Variants in SYNE2 observed in about 807,000 individuals in gnomAD.
SYNE2 encodes nesprin-2.
A neutral mutation model predicts 856.3 loss-of-function variants in SYNE2; 431 were observed. That is an observed-to-expected ratio of 0.50 (90% CI 0.47 to 0.55). SYNE2 has a LOEUF of 0.55. Among genes scored for constraint, SYNE2 ranks in the 20% least tolerant of loss-of-function variants. The pLI, the probability that SYNE2 is intolerant of heterozygous loss-of-function variation, is 0.00. For missense variants in SYNE2, 8,129 were observed against 8,023.2 expected (o/e 1.01, Z -0.50); for synonymous variants, 2,923 against 2,872.3 (o/e 1.02, Z -0.56).
chr14:64,071,875 G>A (rs113902373), intron 52 of SYNE2, among the ~76,000 whole-genome samples: 39 of 152,212 alleles, frequency 2.6e-4, no homozygotes, highest in African/African-American at 6.7e-4. Flanking sequence ...AAAATTAGCC[G>A]GGCATGGTGG....
chr14:63,861,144 GT>G (rs71123806), intron 1 of SYNE2, among the ~76,000 whole-genome samples: 1,355 of 128,232 alleles, frequency 0.011, 12 homozygotes, highest in African/African-American at 0.031. Flanking sequence ...TTACCACATT[GT>G]TTTTTTTTTT....
At chr14:64,130,356 T>G in intron 76 of SYNE2, 108 bp downstream of exon 76, 1 of 1,028,780 alleles carries the variant, frequency 9.7e-7, no homozygotes, top group Non-Finnish European at 1.5e-6. Context: ...AAATTTAAGC[T>G]ATTCATTCTT....
chr14:63,857,677 A>G (rs773274032), intron 1 of SYNE2, among the ~76,000 whole-genome samples: 37 of 152,132 alleles, frequency 2.4e-4, no homozygotes, highest in Non-Finnish European at 1.0e-4. Flanking sequence ...GTGACACCTC[A>G]TTGTGGTTTT....
At chr14:63,927,902 A>G (rs957067190) in intron 2 of SYNE2, among the ~76,000 whole-genome samples, 1 of 151,936 alleles carries the variant, frequency 6.6e-6, no homozygotes, top group Non-Finnish European at 1.5e-5. Flanking sequence ...AAAAAAAAAA[A>G]CATGCCTTTC....
At position 63,995,109 on chromosome 14, in the gene SYNE2, T is replaced by C; in HGVS notation, c.2847T>C (p.Leu949=). Residue 949 remains leucine (L), a synonymous_variant, in exon 23 of 116, where the codon CTT becomes CTC. Coordinates refer to ENST00000555002, the MANE Select transcript of SYNE2 (RefSeq NM_182914.3). Reference sequence around the variant, plus strand: ...AAATAGATATTGAAAAAGGAAAGCTTAGTGACAATATTTTAAAACTTGAAA... The same window carrying C: ...AAATAGATATTGAAAAAGGAAAGCTCAGTGACAATATTTTAAAACTTGAAA... The part of the protein sequence containing the change: ...QLKIDIEKGK[L]SDNILKLEKQ... 1.9e-6 allele frequency: 3 copies of C among 1,593,690 alleles called. No homozygotes were observed. Among genetic ancestry groups the C allele is most frequent in the Non-Finnish European group, 2.6e-6 (3 of 1,165,952 alleles).
intron 62 of SYNE2, chr14:64,098,357 C>G (rs1174699012): frequency 1.6e-5 from 10 of 639,298 alleles, no homozygotes; most frequent in Non-Finnish European, 2.5e-5. Context: ...TTCTTAACAC[C>G]TGAATTACTT....
rs8010699 is a variant in SYNE2 at position 64,056,125 on chromosome 14, A to G, written c.9926A>G (p.His3309Arg). The G allele has an allele frequency of 0.84, 1,356,416 of 1,613,806 alleles. 577,937 individuals carry two copies. Among genetic ancestry groups the G allele is most frequent in the Non-Finnish European group, 0.88 (1,033,375 of 1,179,904 alleles). ...GAGGAATTGGAATCCACAGTAGCAC[A>G]CATCCAGGACCTCACTGAGAAACTG... is the stretch of plus-strand genomic sequence containing the variant. ...KQEELESTVA[H>R]IQDLTEKLGM... is the part of the protein sequence containing the mutation. Residue 3309 changes from histidine to arginine, a missense_variant, in exon 49 of 116, where the codon CAC (histidine) becomes CGC (arginine). By Grantham distance (29) the His-to-Arg change is conservative. Transcript: ENST00000555002.
At chr14:63,955,327 G>A (rs1277867849) in intron 8 of SYNE2, among the ~76,000 whole-genome samples, 2 of 152,246 alleles carry the variant, frequency 1.3e-5, no homozygotes, top group East Asian at 3.9e-4. Flanking sequence ...AACAGAAACT[G>A]CTGCCTTCCC....
chr14:64,133,629 G>A (rs2098049897), intron 77 of SYNE2, among the ~76,000 whole-genome samples: 1 of 152,168 alleles, frequency 6.6e-6, no homozygotes, highest in African/African-American at 2.4e-5. Context: ...GGGGTTTGGT[G>A]GGCTTGGGCG....
chr14:63,865,304 G>A (rs1894910786), intron 1 of SYNE2, among the ~76,000 whole-genome samples: 1 of 134,444 alleles, frequency 7.4e-6, no homozygotes, highest in Non-Finnish European at 1.6e-5. Context: ...AGTCACTGTA[G>A]TATTATCTAG....
chr14:64,057,258 C>T (rs1226721274), intron 49 of SYNE2, among the ~76,000 whole-genome samples: 1 of 151,980 alleles, frequency 6.6e-6, no homozygotes, highest in Non-Finnish European at 1.5e-5. Context: ...TACCATCTCC[C>T]TTCCACCTCC....
In SYNE2 at chr14:64,170,415, G is replaced by A. The variant is rs368540403; in HGVS notation, c.17188G>A (p.Glu5730Lys). 149 of 1,613,964 alleles carry A rather than the reference G, an allele frequency of 9.2e-5. No homozygotes were observed. Among genetic ancestry groups the A allele is most frequent in the Non-Finnish European group, 1.2e-4 (143 of 1,180,026 alleles). ...SHLLSAVKGQ[E>K]RFSLYQTRSL... ...CCTGCTATCTGCAGTGAAGGGCCAG[G>A]AGCGCTTCAGCCTCTACCAAACCAG... Residue 5730 changes from glutamate to lysine, a missense_variant, in exon 94 of 116, where the codon GAG becomes AAG. Around this residue, in one of 3 missense-constraint regions of SYNE2, gnomAD observed 5,410 missense variants for 5,284.8 expected, o/e 1.02. Coordinates refer to ENST00000555002, the MANE Select transcript of SYNE2 (RefSeq NM_182914.3).
intron 11 of SYNE2, among the ~76,000 whole-genome samples, chr14:63,969,601 A>T (rs1337800484): frequency 6.6e-6 from 1 of 151,946 alleles, no homozygotes; most frequent in Non-Finnish European, 1.5e-5. Flanking sequence ...TCGGCCTCCC[A>T]AAGTGCTAGG....
intron 1 of SYNE2, among the ~76,000 whole-genome samples, chr14:63,777,810 A>C (rs1887164361): frequency 6.6e-6 from 1 of 152,160 alleles, no homozygotes; most frequent in Admixed American, 6.6e-5. Flanking sequence ...CTAGGACAAC[A>C]GGCACAGGCC....
chr14:64,010,401 A>T (rs74852800), intron 32 of SYNE2, among the ~76,000 whole-genome samples: 1 of 152,216 alleles, frequency 6.6e-6, no homozygotes, highest in African/African-American at 2.4e-5. Context: ...CAGCCTTTGC[A>T]CTGACTTTCT....
chr14:64,187,511 C>T (rs2098498185), intron 97 of SYNE2, among the ~76,000 whole-genome samples: 1 of 152,112 alleles, frequency 6.6e-6, no homozygotes, highest in Non-Finnish European at 1.5e-5. Flanking sequence ...GTGCAAAATG[C>T]CAGGATTTTT....
intron 1 of SYNE2, among the ~76,000 whole-genome samples, chr14:63,765,523 T>C (rs1192266442): frequency 6.6e-6 from 1 of 152,062 alleles, no homozygotes; most frequent in Non-Finnish European, 1.5e-5. Context: ...CGGCTAATTT[T>C]GTTTTTGTAT....
intron 6 of SYNE2, among the ~76,000 whole-genome samples, chr14:63,944,281 TATA>T (rs2095979182): frequency 4.8e-3 from 2 of 418 alleles, no homozygotes; most frequent in Admixed American, 0.045. Context: ...TGAATTTTTA[TATA>T]TATATATATA....
chr14:63,842,993 G>C (rs1890119426), intron 1 of SYNE2, among the ~76,000 whole-genome samples: 1 of 151,866 alleles, frequency 6.6e-6, no homozygotes, highest in Non-Finnish European at 1.5e-5. Flanking sequence ...CTATCTTGTT[G>C]TTTGATATGT....
Sources: gnomAD v4.1 joint callset for allele counts (sites outside exome capture counted in the v4.1 genomes callset) on GRCh38, gnomAD v4.1.1 for gene constraint, gnomAD v4.1.1 regional missense constraint, MANE v1.5 for transcripts, NCBI Gene and HGNC (gene_info 2026-07-23, HGNC 2026-07-21) for gene names.